Variants in RIMBP2 observed in about 807,000 individuals in gnomAD.
The protein encoded by RIMBP2 is RIMS binding protein 2.
RIMBP2 carries 48 observed loss-of-function variants against 118.6 expected under a neutral mutation model. The ratio of observed to expected loss-of-function variants is 0.40; its 90% CI spans 0.32 to 0.51. The LOEUF (loss-of-function observed/expected upper bound fraction) is 0.51, where lower values mean the gene tolerates loss of function less well. Ranked by LOEUF, RIMBP2 falls within the 20% of genes least tolerant of loss-of-function variation. The pLI is 0.41. For synonymous variants in RIMBP2, 762 were observed against 742.9 expected (o/e 1.03, Z -0.42); for missense variants, 1,551 against 1,768.3 (o/e 0.88, Z 2.20).
At chr12:130,615,848 G>A (rs932137914) in intron 2 of RIMBP2, among the ~76,000 whole-genome samples, 1 of 152,100 alleles carries the variant, frequency 6.6e-6, no homozygotes, top group African/African-American at 2.4e-5. Context: ...TGTGGTGGTT[G>A]GCACCGGTTT....
chr12:130,482,964 G>A (rs2082145035), intron 4 of RIMBP2, among the ~76,000 whole-genome samples: 1 of 95,104 alleles, frequency 1.1e-5, no homozygotes, highest in Non-Finnish European at 2.1e-5. Context: ...TGCAGGGGAG[G>A]GGGCAGACCT....
At chr12:130,664,409 A>ACG (rs548573900) in intron 1 of RIMBP2, among the ~76,000 whole-genome samples, 4,685 of 97,834 alleles carry the variant, frequency 0.048, 497 homozygotes, top group African/African-American at 0.14. Context: ...GCACGCACGC[A>ACG]CGCACACACA....
intron 4 of RIMBP2, among the ~76,000 whole-genome samples, chr12:130,486,291 C>A (rs1199295187): frequency 1.3e-5 from 2 of 152,102 alleles, no homozygotes; most frequent in African/African-American, 2.4e-5. Context: ...TGGACTCTGG[C>A]CCCCGTGGGG....
chr12:130,586,625 A>G (rs1303983800), intron 2 of RIMBP2, among the ~76,000 whole-genome samples: 5 of 148,114 alleles, frequency 3.4e-5, no homozygotes, highest in African/African-American at 1.3e-4. Flanking sequence ...GGCTAGCCAT[A>G]TGTAGAAAGC....
chr12:130,532,813 C>T (rs553046533), intron 2 of RIMBP2, among the ~76,000 whole-genome samples: 1 of 150,646 alleles, frequency 6.6e-6, no homozygotes, highest in African/African-American at 2.4e-5. Context: ...GTGTGTGTAG[C>T]CTCTAGGAGT....
At chr12:130,642,248 G>C (rs920106844) in intron 1 of RIMBP2, among the ~76,000 whole-genome samples, 1 of 151,746 alleles carries the variant, frequency 6.6e-6, no homozygotes, top group African/African-American at 2.4e-5. Context: ...AGAGGCCCTG[G>C]CTCCGGCTGG....
chr12:130,585,830 C>A (rs768492033), intron 2 of RIMBP2, among the ~76,000 whole-genome samples: 21 of 152,308 alleles, frequency 1.4e-4, no homozygotes, highest in African/African-American at 4.6e-4. Flanking sequence ...GGTTCTCTCA[C>A]GTCTTGCCTG....
At chr12:130,658,313 G>C (rs1214447462) in intron 1 of RIMBP2, 1 of 152,172 alleles carries the variant, frequency 6.6e-6, no homozygotes, top group Non-Finnish European at 1.5e-5. Context: ...GCAGCCACTG[G>C]TCCCGAAACT....
At chr12:130,438,334 A>AGCCGGCGCGCGCCCCCC in intron 12 of RIMBP2, 31 bp downstream of exon 12, 1 of 1,344,518 alleles carries the variant, frequency 7.4e-7, no homozygotes, top group Non-Finnish European at 1.1e-6. Flanking sequence ...GGGCCTAACA[A>AGCCGGCGCGCGCCCCCC]ACCCTCCCCA....
At chr12:130,616,174 T>C (rs111482896) in intron 2 of RIMBP2, among the ~76,000 whole-genome samples, 3 of 152,126 alleles carry the variant, frequency 2.0e-5, no homozygotes, top group Non-Finnish European at 4.4e-5. Flanking sequence ...TGGGGAGCTG[T>C]TCACGGTGTC....
intron 4 of RIMBP2, among the ~76,000 whole-genome samples, chr12:130,504,955 C>T (rs1193356193): frequency 6.6e-6 from 1 of 152,158 alleles, no homozygotes. Context: ...CTTTTTAATC[C>T]AACAGACTCT....
chr12:130,445,526 G>T (rs2078453642), intron 9 of RIMBP2, among the ~76,000 whole-genome samples: 1 of 152,192 alleles, frequency 6.6e-6, no homozygotes, highest in East Asian at 1.9e-4. Flanking sequence ...TCAGATAACA[G>T]GTTTATGATT....
rs996046589 is a variant in RIMBP2 at position 130,619,921 on chromosome 12, GAC to G, written c.-217+8399_-217+8400del. Among the ~76,000 whole-genome samples the G allele has an allele frequency of 1.4e-4, 21 of 152,342 alleles. 1 individual carries two copies. Among genetic ancestry groups the G allele is most frequent in the African/African-American group, 4.1e-4 (17 of 41,582 alleles). Reference sequence around the variant, plus strand: ...GTGTGGGCAAAGAGGTGGCCCTGCAGACACATGCTGTCCTTGGTGCTCTGTGC... The same window carrying G: ...GTGTGGGCAAAGAGGTGGCCCTGCAGACATGCTGTCCTTGGTGCTCTGTGC... On this transcript the variant is annotated intron_variant, in intron 2 of 22. Transcript: ENST00000690449.
At chr12:130,666,908 G>C (rs1375565682) in intron 1 of RIMBP2, among the ~76,000 whole-genome samples, 1 of 135,760 alleles carries the variant, frequency 7.4e-6, no homozygotes, top group Non-Finnish European at 1.6e-5. Flanking sequence ...ACGAAAGGGA[G>C]GGAGAAAGAG....
At position 130,428,305 on chromosome 12, in the gene RIMBP2, T is replaced by C. The variant is rs773610967; in HGVS notation, c.2286A>G (p.Thr762=). 4 of 1,612,388 alleles carry C rather than the reference T, an allele frequency of 2.5e-6. No individual in the cohort carries two copies. Among genetic ancestry groups the C allele is most frequent in the Non-Finnish European group, 3.4e-6 (4 of 1,179,238 alleles). Residue 762 remains threonine, a synonymous_variant, in exon 15 of 23, where the codon ACA becomes ACG. Coordinates refer to ENST00000690449, the MANE Select transcript of RIMBP2 (RefSeq NM_001393629.1). ...AGAGGTCAGACCCCCGGCTGCTCTC[T>C]GTGTGGTACTCGTCTCCATGGCAAC... The part of the protein sequence containing the change: ...PHCCHGDEYH[T]ESSRGSDLSD...
At chr12:130,412,255 C>T (rs1428949681) in intron 19 of RIMBP2, among the ~76,000 whole-genome samples, 3 of 152,188 alleles carry the variant, frequency 2.0e-5, no homozygotes, top group Non-Finnish European at 2.9e-5. Flanking sequence ...GGCCCCCCAA[C>T]CACCCACTGA....
rs888001413 is a variant in RIMBP2 at position 130,617,200 on chromosome 12, G to A, written c.-217+11122C>T. ...CCCCCGACCCCCGCCCCGAGTTAGT[G>A]CTGCCACCTCCATCCAGCACACAAG... On this transcript the variant is annotated intron_variant, in intron 2 of 22. Transcript: ENST00000690449. This position sits in a 1 kb window ranked among gnomAD's most constrained non-coding sequence, Gnocchi z 4.6. 6.0e-5 allele frequency among the ~76,000 whole-genome samples: 9 copies of A among 149,754 alleles called. No individual in the cohort carries two copies. Among genetic ancestry groups the A allele is most frequent in the African/African-American group, 2.2e-4 (9 of 40,552 alleles).
intron 17 of RIMBP2, among the ~76,000 whole-genome samples, chr12:130,415,921 T>C (rs891469054): frequency 6.6e-6 from 1 of 151,882 alleles, no homozygotes; most frequent in Non-Finnish European, 1.5e-5. Context: ...TTGTTCAAGC[T>C]GAGAGCCAAA....
chr12:130,683,487 C>A lies in RIMBP2; in HGVS notation c.-352+32735G>T, dbSNP rs942518206. ...GTGGTATTGTCAGAGGCATGTGAAC[C>A]AGAGCAACTCCATCTTGAATAGGGG... On this transcript the variant is annotated intron_variant, in intron 1 of 22. Transcript: ENST00000690449. The surrounding 1 kb of genome is among the most constrained non-coding windows in gnomAD (Gnocchi z 4.4). Among the ~76,000 whole-genome samples the A allele has an allele frequency of 2.6e-5, 4 of 152,190 alleles. No individual in the cohort carries two copies. The highest frequency in any genetic ancestry group is 5.9e-5 in the Non-Finnish European group (4 of 68,032).
Sources: allele counts gnomAD v4.1 joint callset (sites outside exome capture counted in the v4.1 genomes callset), GRCh38; gene constraint gnomAD v4.1.1; non-coding constraint Gnocchi (gnomAD v3.1); transcripts MANE v1.5; gene names NCBI Gene and HGNC (gene_info 2026-07-23, HGNC 2026-07-21).